POU2F1: variants seen among roughly 807,000 people sequenced by gnomAD.
The protein encoded by POU2F1 is POU domain, class 2, transcription factor 1.
A neutral mutation model predicts 84.9 loss-of-function variants in POU2F1; 16 were observed. The observed-to-expected ratio is 0.19, with a 90% CI of 0.13 to 0.29. The LOEUF (loss-of-function observed/expected upper bound fraction) is 0.29. Ranked by LOEUF, POU2F1 falls within the 10% of genes least tolerant of loss-of-function variation. The pLI is 1.00. For missense variants in POU2F1, 738 were observed against 942.6 expected, an observed-to-expected ratio of 0.78 and a Z score of 2.84; for synonymous variants, 368 against 368.3, an observed-to-expected ratio of 1.00 and a Z score of 0.01.
chr1:167,251,141 G>T (rs545040506), intron 1 of POU2F1, among the ~76,000 whole-genome samples: 9 of 152,306 alleles, frequency 5.9e-5, no homozygotes, highest in African/African-American at 2.2e-4. Context: ...GCTCATGCCT[G>T]TAATCCCAGC....
chr1:167,383,514 G>C (rs976387626), intron 7 of POU2F1: 1 of 166,826 alleles, frequency 6.0e-6, no homozygotes, highest in African/African-American at 2.4e-5. Flanking sequence ...TGGATTCTAG[G>C]TTAAGAAGTT....
chr1:167,384,016 AT>A, intron 8 of POU2F1, 65 bp downstream of exon 8: 1 of 1,299,002 alleles, frequency 7.7e-7, no homozygotes, highest in Non-Finnish European at 1.0e-6. Context: ...TTTGGACTTT[AT>A]TTAATTTTTT....
At chr1:167,347,166 C>A (rs758591297) in intron 2 of POU2F1, among the ~76,000 whole-genome samples, 1 of 152,076 alleles carries the variant, frequency 6.6e-6, no homozygotes, top group Non-Finnish European at 1.5e-5. Context: ...GCCTTGACTG[C>A]CTTAAATTTA....
chr1:167,326,030 C>T (rs1433989224), intron 1 of POU2F1, among the ~76,000 whole-genome samples: 1 of 152,118 alleles, frequency 6.6e-6, no homozygotes, highest in African/African-American at 2.4e-5. Flanking sequence ...CTTTCAGCTC[C>T]TTTTTATACT....
intron 2 of POU2F1, among the ~76,000 whole-genome samples, chr1:167,359,553 G>A (rs993243131): frequency 6.6e-6 from 1 of 152,282 alleles, no homozygotes; most frequent in Non-Finnish European, 1.5e-5. Flanking sequence ...CGGTGCATAT[G>A]TACCATATTT....
intron 2 of POU2F1, among the ~76,000 whole-genome samples, chr1:167,341,733 C>G (rs59952292): frequency 0.02 from 3,015 of 152,314 alleles, 93 homozygotes; most frequent in African/African-American, 0.068. Context: ...CATCTACAGA[C>G]AGCTTAAGTG....
intron 13 of POU2F1, among the ~76,000 whole-genome samples, chr1:167,411,706 G>A (rs1163312447): frequency 6.6e-6 from 1 of 152,028 alleles, no homozygotes; most frequent in African/African-American, 2.4e-5. Context: ...TTCTTGAATA[G>A]GAAACAGGCA....
In POU2F1 at chr1:167,221,178, G is replaced by A. The variant is rs551560456; in HGVS notation, c.61+220G>A. ...AGGGGGAAGACAAGGGGCAAAGGGGGCTGCGATCCACTGCCCTCCTCCTGC... is the reference window on the plus strand; with the variant it reads ...AGGGGGAAGACAAGGGGCAAAGGGGACTGCGATCCACTGCCCTCCTCCTGC... On this transcript the variant is annotated intron_variant, in intron 1 of 15. Transcript: ENST00000367866. Among the ~76,000 whole-genome samples, 500 of 151,616 alleles carry A rather than the reference G, an allele frequency of 3.3e-3. 4 individuals are homozygous for A. The highest frequency in any genetic ancestry group is 0.011 in the African/African-American group (451 of 41,416).
At chr1:167,402,865 A>G (rs1382542669) in intron 13 of POU2F1, among the ~76,000 whole-genome samples, 1 of 152,212 alleles carries the variant, frequency 6.6e-6, no homozygotes, top group African/African-American at 2.4e-5. Context: ...TCACCTGGTA[A>G]ATTATGAACT....
At chr1:167,305,872 G>A (rs558467674) in intron 1 of POU2F1, among the ~76,000 whole-genome samples, 1 of 152,316 alleles carries the variant, frequency 6.6e-6, no homozygotes, top group East Asian at 1.9e-4. Context: ...GCAGGAGGGT[G>A]GGGCAGGGCT....
chr1:167,369,826 A>G (rs1015361293), intron 3 of POU2F1, among the ~76,000 whole-genome samples: 1 of 152,348 alleles, frequency 6.6e-6, no homozygotes, highest in African/African-American at 2.4e-5. Context: ...TGGAAGGTTA[A>G]TTAAATTTTT....
chr1:167,239,090 C>A (rs568271004), intron 1 of POU2F1, among the ~76,000 whole-genome samples: 4 of 152,122 alleles, frequency 2.6e-5, no homozygotes, highest in Non-Finnish European at 4.4e-5. Context: ...TTTTTCCCCC[C>A]CAAATGGACA....
At chr1:167,325,343 T>C (rs1297384151) in intron 1 of POU2F1, among the ~76,000 whole-genome samples, 2 of 152,056 alleles carry the variant, frequency 1.3e-5, no homozygotes, top group Non-Finnish European at 2.9e-5. Flanking sequence ...AATTGTTGAG[T>C]CAGACATTTC....
intron 1 of POU2F1, among the ~76,000 whole-genome samples, chr1:167,315,352 A>G (rs1053232220): frequency 3.3e-5 from 5 of 152,218 alleles, no homozygotes; most frequent in Admixed American, 2.0e-4. Context: ...GTGCTTTGCC[A>G]ATATTTTTCC....
chr1:167,250,604 C>T (rs944807569), intron 1 of POU2F1, among the ~76,000 whole-genome samples: 1 of 152,176 alleles, frequency 6.6e-6, no homozygotes, highest in Non-Finnish European at 1.5e-5. Context: ...ACAAAGGTAG[C>T]AATATGGTTT....
Position 167,396,300 on chromosome 1 carries a change from C to T in POU2F1, c.1002C>T (p.Leu334=), listed in dbSNP as rs936299881. Residue 334 remains leucine, a synonymous_variant, in exon 10 of 16, where the codon CTC becomes CTT. Coordinates refer to ENST00000367866, the MANE Select transcript of POU2F1 (RefSeq NM_002697.4). Reference sequence around the variant, plus strand: ...ATTGTGTGTAGGGTGATGTTGGGCTCGCTATGGGGAAACTATATGGAAATG... The same window carrying T: ...ATTGTGTGTAGGGTGATGTTGGGCTTGCTATGGGGAAACTATATGGAAATG... ...KLGFTQGDVG[L]AMGKLYGNDF... The T allele has an allele frequency of 4.3e-6, 7 of 1,614,038 alleles. No homozygotes were observed. Among genetic ancestry groups the T allele is most frequent in the South Asian group, 2.2e-5 (2 of 91,076 alleles).
At chr1:167,238,366 G>A (rs1015379925) in intron 1 of POU2F1, among the ~76,000 whole-genome samples, 10 of 151,918 alleles carry the variant, frequency 6.6e-5, no homozygotes, top group Admixed American at 5.2e-4. Flanking sequence ...AGGAAAACTT[G>A]GTCAATTTAT....
rs1650706946 is a variant in POU2F1, at chr1:167,422,496, C to T, written c.*6686C>T. On this transcript the variant is annotated 3_prime_UTR_variant, in exon 16 of 16. Transcript: ENST00000367866. ...GCAAACCAAGAAGTTGAAAGCTAAC[C>T]TGCCCACCTCACCCCTGTGATACAA... The T allele has an allele frequency of 6.6e-6, 1 of 152,208 alleles. No homozygotes were observed. Among genetic ancestry groups the T allele is most frequent in the Non-Finnish European group, 1.5e-5 (1 of 68,050 alleles). The allele number at this position is 152,208 out of a possible 1,614,324, so 9.4% of individuals were successfully genotyped here.
At chr1:167,256,657 C>T (rs1026744588) in intron 1 of POU2F1, among the ~76,000 whole-genome samples, 5 of 152,260 alleles carry the variant, frequency 3.3e-5, no homozygotes, top group South Asian at 2.1e-4. Context: ...ATCTCACTTA[C>T]GCCACCCGAA....
Sources: gnomAD v4.1 joint callset for allele counts (sites outside exome capture counted in the v4.1 genomes callset) on GRCh38, gnomAD v4.1.1 for gene constraint, MANE v1.5 for transcripts, NCBI Gene and HGNC (gene_info 2026-07-23, HGNC 2026-07-21) for gene names.